Variants in FER observed in about 807,000 individuals in gnomAD.
The protein encoded by FER is tyrosine-protein kinase Fer.
Under a neutral mutation model 111.0 loss-of-function variants are expected in FER, and 63 were observed. The observed-to-expected ratio is 0.57, with a 90% CI of 0.46 to 0.70. The LOEUF (loss-of-function observed/expected upper bound fraction) is 0.70. FER is among the 30% of genes least tolerant of loss of function. FER has a pLI of 0.00. For synonymous variants in FER, 327 were observed against 313.9 expected (o/e 1.04, Z -0.44); for missense variants, 914 against 954.0 (o/e 0.96, Z 0.55).
chr5:108,993,321 G>A (rs1380461120), intron 13 of FER, among the ~76,000 whole-genome samples: 21 of 152,206 alleles, frequency 1.4e-4, no homozygotes, highest in African/African-American at 4.3e-4. Flanking sequence ...CGGATCACTC[G>A]CGGTTAGGAG....
intron 17 of FER, among the ~76,000 whole-genome samples, chr5:109,122,740 G>A (rs1051362862): frequency 6.6e-6 from 1 of 151,924 alleles, no homozygotes; most frequent in African/African-American, 2.4e-5. Flanking sequence ...TATATATCTG[G>A]GTGCTCAAGT....
At chr5:108,826,266 A>G (rs866671411) in intron 3 of FER, among the ~76,000 whole-genome samples, 3 of 152,358 alleles carry the variant, frequency 2.0e-5, no homozygotes, top group Middle Eastern at 3.4e-3. Context: ...CCATGCTTGC[A>G]TCCCAGGGAT....
chr5:108,852,151 T>C (rs1255442370), intron 5 of FER, among the ~76,000 whole-genome samples: 2 of 152,246 alleles, frequency 1.3e-5, no homozygotes, highest in Non-Finnish European at 2.9e-5. Context: ...TACCTACTGC[T>C]AGAACTGTGG....
chr5:109,045,303 A>ACATATACAT (rs141984231), intron 15 of FER, among the ~76,000 whole-genome samples: 3 of 148,950 alleles, frequency 2.0e-5, no homozygotes, highest in Non-Finnish European at 4.5e-5. Context: ...TATACATTAT[A>ACATATACAT]TATATACATT....
chr5:108,912,471 CA>C (rs1243034651), intron 10 of FER, among the ~76,000 whole-genome samples: 4 of 152,200 alleles, frequency 2.6e-5, no homozygotes, highest in African/African-American at 9.7e-5. Flanking sequence ...AAGAGATTCT[CA>C]TGCCTCAGCC....
Position 108,944,700 on chromosome 5 carries a change from G to A in FER, c.1237-1430G>A, listed in dbSNP as rs545570286. On this transcript the variant is annotated intron_variant, in intron 10 of 19. Coordinates refer to ENST00000281092, the MANE Select transcript of FER (RefSeq NM_005246.4). ...AAATGAGTTTCATGTTTTATTTGTA[G>A]AAATCTGGGCACCAAATGATCTGGC... is the stretch of plus-strand genomic sequence containing the variant. Among the ~76,000 whole-genome samples the A allele has an allele frequency of 8.6e-5, 13 of 151,950 alleles. 1 individual carries two copies. Among genetic ancestry groups the A allele is most frequent in the African/African-American group, 3.1e-4 (13 of 41,468 alleles).
intron 13 of FER, among the ~76,000 whole-genome samples, chr5:109,028,930 A>G (rs1414279413): frequency 2.0e-5 from 3 of 152,194 alleles, no homozygotes; most frequent in African/African-American, 7.2e-5. Context: ...TGAGGACCCC[A>G]AACCAGGCAC....
intron 1 of FER, among the ~76,000 whole-genome samples, chr5:108,761,470 G>A (rs181114963): frequency 4.6e-5 from 7 of 152,230 alleles, no homozygotes; most frequent in Middle Eastern, 3.4e-3. Context: ...TAAGTTCACC[G>A]TTATATATGA....
At chr5:108,938,967 T>C in intron 10 of FER, among the ~76,000 whole-genome samples, 1 of 152,018 alleles carries the variant, frequency 6.6e-6, no homozygotes. Context: ...CAAATAGTAA[T>C]ACATTATTAA....
intron 17 of FER, among the ~76,000 whole-genome samples, chr5:109,119,188 C>T (rs1428323325): frequency 1.3e-5 from 2 of 152,106 alleles, no homozygotes; most frequent in Non-Finnish European, 2.9e-5. Context: ...GAATGTGTCT[C>T]AGAGATTCTG....
At chr5:108,862,934 C>T (rs1481948771) in intron 5 of FER, among the ~76,000 whole-genome samples, 1 of 152,012 alleles carries the variant, frequency 6.6e-6, no homozygotes, top group Non-Finnish European at 1.5e-5. Context: ...TACTCTTATT[C>T]AGGAATTAAT....
At chr5:109,088,916 G>A (rs1777854989) in intron 16 of FER, among the ~76,000 whole-genome samples, 1 of 152,138 alleles carries the variant, frequency 6.6e-6, no homozygotes, top group East Asian at 1.9e-4. Context: ...CCTGCACTGA[G>A]ACATGTGGTT....
At chr5:109,006,347 G>C (rs1215847533) in intron 13 of FER, among the ~76,000 whole-genome samples, 1 of 152,166 alleles carries the variant, frequency 6.6e-6, no homozygotes, top group Non-Finnish European at 1.5e-5. Flanking sequence ...TGCTGTTCTT[G>C]TGAGAGTAAG....
rs553797163 is a variant in FER at position 108,891,772 on chromosome 5, G to A, written c.1047-5887G>A. On this transcript the variant is annotated intron_variant, in intron 9 of 19. Transcript: ENST00000281092. ...GCTGGTGTGCTGAACCCAGTAACTC[G>A]TCATTTAACATTAGGTATATCTCCA... Among the ~76,000 whole-genome samples the A allele has an allele frequency of 8.2e-4, 124 of 151,440 alleles. 1 individual carries two copies. Among genetic ancestry groups the A allele is most frequent in the African/African-American group, 2.8e-3 (114 of 41,270 alleles).
Position 108,890,248 on chromosome 5 carries a change from A to C in FER, c.1046+6730A>C, listed in dbSNP as rs974963523. Among the ~76,000 whole-genome samples, 5 of 152,196 alleles carry C rather than the reference A, an allele frequency of 3.3e-5. 1 individual carries two copies. In the Middle Eastern group the frequency reaches 0.014, roughly 414 times the overall value. On this transcript the variant is annotated intron_variant, in intron 9 of 19. Coordinates refer to ENST00000281092, the MANE Select transcript of FER (RefSeq NM_005246.4). The stretch of plus-strand genomic sequence containing the variant: ...TTCAGAAATTCATCCAGCTACTTTC[A>C]TTCCTTTTTACTGTTGAGTAGTGCA...
At chr5:108,843,901 G>A (rs988372433) in intron 5 of FER, among the ~76,000 whole-genome samples, 3 of 152,092 alleles carry the variant, frequency 2.0e-5, no homozygotes, top group Admixed American at 2.0e-4. Context: ...AAGTTGAAAT[G>A]ATAACATAAT....
chr5:109,071,379 A>G (rs140152689), intron 16 of FER, among the ~76,000 whole-genome samples: 4,078 of 152,168 alleles, frequency 0.027, 89 homozygotes, highest in Non-Finnish European at 0.043. Flanking sequence ...AATATCACAC[A>G]GGCAAAATGC....
At chr5:109,119,465 C>A (rs185545542) in intron 17 of FER, among the ~76,000 whole-genome samples, 1 of 152,190 alleles carries the variant, frequency 6.6e-6, no homozygotes, top group African/African-American at 2.4e-5. Context: ...CAGTGTGGTG[C>A]TAAAAAGAAT....
chr5:109,010,204 C>T (rs1381127972), intron 13 of FER, among the ~76,000 whole-genome samples: 1 of 152,134 alleles, frequency 6.6e-6, no homozygotes, highest in Non-Finnish European at 1.5e-5. Context: ...GTCGCCCAGG[C>T]TAGAGTGCAG....
Sources: gnomAD v4.1 joint callset for allele counts (sites outside exome capture counted in the v4.1 genomes callset) on GRCh38, gnomAD v4.1.1 for gene constraint, MANE v1.5 for transcripts, NCBI Gene and HGNC (gene_info 2026-07-23, HGNC 2026-07-21) for gene names.